ANKFY1: variants seen among roughly 807,000 people sequenced by gnomAD.
ANKFY1 encodes ankyrin repeat and FYVE domain-containing protein 1.
Under a neutral mutation model 128.3 loss-of-function variants are expected in ANKFY1, and 47 were observed. The ratio of observed to expected loss-of-function variants is 0.37; its 90% CI spans 0.29 to 0.47. The LOEUF is 0.47. Ranked by LOEUF, ANKFY1 falls within the 20% of genes least tolerant of loss-of-function variation. The pLI, the probability that ANKFY1 is intolerant of heterozygous loss-of-function variation, is 1.00. For synonymous variants in ANKFY1, 553 were observed against 601.6 expected (o/e 0.92, Z 1.18); for missense variants, 1,222 against 1,510.6 (o/e 0.81, Z 3.17).
At chr17:4,182,373 CCAA>C (rs1191641800) in intron 14 of ANKFY1, 24 bp from the exon 15 acceptor site, 4 of 1,501,652 alleles carry the variant, frequency 2.7e-6, no homozygotes, top group Non-Finnish European at 3.6e-6. Flanking sequence ...CACACCCAAA[CCAA>C]CGTTTGTGGT....
chr17:4,209,441 C>T (rs558955484), intron 5 of ANKFY1, among the ~76,000 whole-genome samples: 157 of 152,316 alleles, frequency 1.0e-3, no homozygotes, highest in African/African-American at 3.5e-3. Flanking sequence ...GCTGGGACTA[C>T]AGGCACGCAC....
At chr17:4,258,168 G>T (rs183172914) in intron 1 of ANKFY1, among the ~76,000 whole-genome samples, 2 of 152,296 alleles carry the variant, frequency 1.3e-5, no homozygotes, top group African/African-American at 4.8e-5. Context: ...GAGGTCTCTG[G>T]ACTATATATA....
chr17:4,193,419 C>CTTTTT (rs34747890), intron 10 of ANKFY1, among the ~76,000 whole-genome samples: 2 of 108,242 alleles, frequency 1.8e-5, no homozygotes, highest in African/African-American at 4.2e-5. Context: ...CCAGTCGACT[C>CTTTTT]TTTTTTTTTT....
At chr17:4,183,213 G>A (rs528140324) in intron 14 of ANKFY1, among the ~76,000 whole-genome samples, 185 bp downstream of exon 14, 8 of 152,308 alleles carry the variant, frequency 5.3e-5, no homozygotes, top group African/African-American at 1.4e-4. Flanking sequence ...GTTCCTTTCC[G>A]CCATTACAAT....
chr17:4,167,865 T>C lies in ANKFY1; in HGVS notation c.3424A>G (p.Ile1142Val). The C allele has an allele frequency of 1.9e-6, 3 of 1,613,854 alleles. No homozygotes were observed. The highest frequency in any genetic ancestry group is 2.5e-6 in the Non-Finnish European group (3 of 1,179,888). The change falls in exon 25 of 25, where the codon ATT (isoleucine) becomes GTT (valine). Residue 1142 changes from isoleucine to valine, a missense_variant. Physicochemically the swap from Ile to Val is conservative, Grantham distance 29. Transcript: ENST00000341657. The surrounding 1 kb of genome is among the most constrained non-coding windows in gnomAD (Gnocchi z 4.1). The part of the protein sequence containing the change: ...LLCHKCSTKE[I>V]PIIKFDLNKP... ...TTCAGATCAAACTTTATAATAGGAA[T>C]CTCCTTGGTCGAGCATTTATGGCAA...
chr17:4,232,072 C>T (rs2060522263), intron 3 of ANKFY1, among the ~76,000 whole-genome samples: 1 of 152,104 alleles, frequency 6.6e-6, no homozygotes, highest in Non-Finnish European at 1.5e-5. Flanking sequence ...GTATCCCTAA[C>T]ACCTTGAAAA....
intron 3 of ANKFY1, chr17:4,223,455 A>C (rs569394339): frequency 1.6e-6 from 2 of 1,228,788 alleles, no homozygotes; most frequent in South Asian, 2.4e-5. Flanking sequence ...GACACACTTC[A>C]AGTTAAGATC....
intron 1 of ANKFY1, among the ~76,000 whole-genome samples, chr17:4,251,219 C>T (rs192823484): frequency 1.1e-4 from 16 of 152,260 alleles, no homozygotes; most frequent in African/African-American, 3.9e-4. Flanking sequence ...TATGAAAACG[C>T]AAATCCCTAT....
intron 23 of ANKFY1, 33 bp downstream of exon 23, chr17:4,170,682 T>C (rs2059300320): frequency 6.3e-7 from 1 of 1,587,732 alleles, no homozygotes; most frequent in Non-Finnish European, 8.6e-7. Flanking sequence ...ACGACTGTGC[T>C]TGCACTGTGA....
At position 4,184,940 on chromosome 17, in the gene ANKFY1, G is replaced by A. The variant is rs1222782135; in HGVS notation, c.1577C>T (p.Pro526Leu). 6 of 1,614,096 alleles carry A rather than the reference G, an allele frequency of 3.7e-6. No individual in the cohort carries two copies. The highest frequency in any genetic ancestry group is 1.7e-5 in the Admixed American group (1 of 60,026). The change falls in exon 12 of 25, where the codon CCT becomes CTT. Residue 526 changes from proline to leucine, a missense_variant. Physicochemically the swap from Pro to Leu is moderately conservative, Grantham distance 98. Transcript: ENST00000341657. ...CAGGGATGCGGCCTCCTTTGGCAGA[G>A]GCAGAGCTTCCTCCGTCTGCAGGTT... ...NPNLQTEEAL[P>L]LPKEAASLTS...
At chr17:4,174,941 C>G (rs976751178) in intron 19 of ANKFY1, among the ~76,000 whole-genome samples, 3 of 151,670 alleles carry the variant, frequency 2.0e-5, no homozygotes, top group Admixed American at 6.6e-5. Context: ...GTTGCCCAGA[C>G]TGGTGTCAAA....
intron 4 of ANKFY1, among the ~76,000 whole-genome samples, chr17:4,213,960 C>G (rs1195931016): frequency 6.6e-6 from 1 of 152,158 alleles, no homozygotes; most frequent in Non-Finnish European, 1.5e-5. Context: ...GACAAAGTCA[C>G]TCTAACCTCA....
intron 2 of ANKFY1, among the ~76,000 whole-genome samples, chr17:4,236,375 T>C (rs1394725293): frequency 6.6e-6 from 1 of 152,216 alleles, no homozygotes; most frequent in African/African-American, 2.4e-5. Flanking sequence ...CAAGCAGTCA[T>C]GAACATGAAA....
intron 7 of ANKFY1, among the ~76,000 whole-genome samples, chr17:4,200,662 C>A (rs941026736): frequency 6.6e-6 from 1 of 152,128 alleles, no homozygotes; most frequent in Non-Finnish European, 1.5e-5. Flanking sequence ...GGTGACCTTG[C>A]GATGAATGCT....
intron 3 of ANKFY1, chr17:4,222,904 T>C (rs1598103815): frequency 1.8e-6 from 2 of 1,113,802 alleles, no homozygotes; most frequent in East Asian, 2.3e-5. Context: ...CCAACTCCTA[T>C]CACCAGCTCC....
At chr17:4,175,833 G>A (rs2059402524) in intron 19 of ANKFY1, among the ~76,000 whole-genome samples, 1 of 152,254 alleles carries the variant, frequency 6.6e-6, no homozygotes, top group South Asian at 2.1e-4. Flanking sequence ...TATGAACAGG[G>A]TCAAACAGGA....
chr17:4,256,892 A>G (rs1968160155), intron 1 of ANKFY1, among the ~76,000 whole-genome samples: 1 of 152,116 alleles, frequency 6.6e-6, no homozygotes, highest in African/African-American at 2.4e-5. Context: ...TCAAAAGCTC[A>G]CCGTGTATAG....
rs77123372 is a variant in ANKFY1 at position 4,207,261 on chromosome 17, A to C, written c.732+672T>G. 5.4e-3 allele frequency among the ~76,000 whole-genome samples: 821 copies of C among 152,280 alleles called. 10 individuals are homozygous for C. The highest frequency in any genetic ancestry group is 0.019 in the African/African-American group (785 of 41,548). On this transcript the variant is annotated intron_variant, in intron 6 of 24. Transcript: ENST00000341657. ...CCACACAAGTCCTTCAAAGTGAAAA[A>C]GGGAACCAGAAGAGTAAGTCAGAGA...
At chr17:4,241,493 G>A (rs1349168827) in intron 2 of ANKFY1, among the ~76,000 whole-genome samples, 2 of 151,396 alleles carry the variant, frequency 1.3e-5, no homozygotes, top group African/African-American at 4.9e-5. Flanking sequence ...TGTTAGCCAG[G>A]ATGATCTCCT....
Sources: allele counts gnomAD v4.1 joint callset (sites outside exome capture counted in the v4.1 genomes callset), GRCh38; gene constraint gnomAD v4.1.1; non-coding constraint Gnocchi (gnomAD v3.1); transcripts MANE v1.5; gene names NCBI Gene and HGNC (gene_info 2026-07-23, HGNC 2026-07-21).